LRFN2: variants seen among roughly 807,000 people sequenced by gnomAD.
The protein encoded by LRFN2 is leucine-rich repeat and fibronectin type-III domain-containing protein 2.
LRFN2 carries 18 observed loss-of-function variants against 37.3 expected under a neutral mutation model. That is an observed-to-expected ratio of 0.48 (90% confidence interval 0.33 to 0.72). The LOEUF (loss-of-function observed/expected upper bound fraction) is 0.72, where lower values mean the gene tolerates loss of function less well. Ranked by LOEUF, LRFN2 falls within the 30% of genes least tolerant of loss-of-function variation. The pLI, the probability that LRFN2 is intolerant of heterozygous loss-of-function variation, is 0.02. For synonymous variants in LRFN2, 556 were observed against 466.6 expected (o/e 1.19, Z -2.47); for missense variants, 1,006 against 1,060.7 (o/e 0.95, Z 0.72).
At chr6:40,456,516 C>T (rs557067293) in intron 1 of LRFN2, among the ~76,000 whole-genome samples, 6 of 152,318 alleles carry the variant, frequency 3.9e-5, no homozygotes, top group East Asian at 1.9e-4. Context: ...ATCTTGTGCT[C>T]TTGTGTGTGG....
At chr6:40,457,343 G>T (rs1038165945) in intron 1 of LRFN2, among the ~76,000 whole-genome samples, 3 of 151,854 alleles carry the variant, frequency 2.0e-5, no homozygotes, top group African/African-American at 4.8e-5. Flanking sequence ...AAGGAAGTTT[G>T]GGGGAGAAAA....
intron 1 of LRFN2, among the ~76,000 whole-genome samples, chr6:40,454,470 G>A (rs1764192943): frequency 6.6e-6 from 1 of 152,198 alleles, no homozygotes; most frequent in Non-Finnish European, 1.5e-5. Flanking sequence ...GAGAAGGGCT[G>A]TCTGCAAAGA....
intron 1 of LRFN2, among the ~76,000 whole-genome samples, chr6:40,562,004 A>G (rs1183969658): frequency 6.6e-6 from 1 of 152,222 alleles, no homozygotes; most frequent in African/African-American, 2.4e-5. Flanking sequence ...CAGGTATTCT[A>G]GAAGTATGTG....
At position 40,392,166 on chromosome 6, in the gene LRFN2, C is replaced by T. The variant is rs199949744; in HGVS notation, c.2147G>A (p.Gly716Asp). ...ARSLLPLPLEGKAKRSHSFDM... is the reference protein window; with the variant it reads ...ARSLLPLPLEDKAKRSHSFDM... ...GAAGGAGTGGCTGCGTTTGGCCTTG[C>T]CCTCCAACGGCAAGGGGAGCAGGCT... The change falls in exon 3 of 3, where the codon GGC becomes GAC. Residue 716 changes from glycine to aspartate, a missense_variant. Coordinates refer to ENST00000338305, the MANE Select transcript of LRFN2 (RefSeq NM_020737.3). This position sits in a 1 kb window ranked among gnomAD's most constrained non-coding sequence, Gnocchi z 4.7. 1.1e-5 allele frequency: 18 copies of T among 1,601,148 alleles called. No individual in the cohort carries two copies. Among genetic ancestry groups the T allele is most frequent in the Non-Finnish European group, 1.5e-5 (18 of 1,173,280 alleles).
intron 1 of LRFN2, among the ~76,000 whole-genome samples, chr6:40,453,689 G>A (rs9380957): frequency 0.26 from 39,132 of 151,980 alleles, 6,090 homozygotes; most frequent in Middle Eastern, 0.41. Flanking sequence ...GCGTGATCAG[G>A]ACTGGGTGAT....
At chr6:40,545,454 AACTG>A (rs1288066723) in intron 1 of LRFN2, among the ~76,000 whole-genome samples, 1 of 152,216 alleles carries the variant, frequency 6.6e-6, no homozygotes, top group South Asian at 2.1e-4. Flanking sequence ...ATTGAAAACA[AACTG>A]ACTGAGTGAT....
chr6:40,566,946 C>T, intron 1 of LRFN2, among the ~76,000 whole-genome samples: 1 of 152,114 alleles, frequency 6.6e-6, no homozygotes, highest in Non-Finnish European at 1.5e-5. Context: ...GTATGATGAT[C>T]TTCAAGAGCA....
At chr6:40,470,376 C>T (rs1170244950) in intron 1 of LRFN2, among the ~76,000 whole-genome samples, 8 of 152,176 alleles carry the variant, frequency 5.3e-5, no homozygotes, top group Non-Finnish European at 8.8e-5. Context: ...CTTTGGGAGG[C>T]CAAAGCGAGC....
In LRFN2 at chr6:40,392,514, G is replaced by C; in HGVS notation, c.1799C>G (p.Pro600Arg). 6.3e-7 allele frequency: 1 copy of C among 1,587,422 alleles called. No homozygotes were observed. Among genetic ancestry groups the C allele is most frequent in the Non-Finnish European group, 8.6e-7 (1 of 1,169,158 alleles). ...GAGCTCGTTGCGCACCACCACCTTC[G>C]GCGGGCCCTGCGGCGGGGCCCCGGC... ...APAGAPPQGP[P>R]KVVVRNELLD... is the part of the protein sequence containing the mutation. Residue 600 changes from proline to arginine, a missense_variant, in exon 3 of 3, where the codon CCG becomes CGG. By Grantham distance (103) the Pro-to-Arg change is moderately radical. Coordinates refer to ENST00000338305, the MANE Select transcript of LRFN2 (RefSeq NM_020737.3). The surrounding 1 kb of genome is among the most constrained non-coding windows in gnomAD (Gnocchi z 4.7).
At chr6:40,462,568 CT>C (rs1764370199) in intron 1 of LRFN2, among the ~76,000 whole-genome samples, 1 of 152,216 alleles carries the variant, frequency 6.6e-6, no homozygotes, top group African/African-American at 2.4e-5. Context: ...ATCTGTATCT[CT>C]TATTCAGTCC....
At chr6:40,577,608 G>A (rs59902594) in intron 1 of LRFN2, among the ~76,000 whole-genome samples, 33,083 of 83,868 alleles carry the variant, frequency 0.39, 5,601 homozygotes, top group Middle Eastern at 0.53. Context: ...CACAGTCCCC[G>A]GAGTGTGATA....
chr6:40,425,134 T>C (rs1423338493), intron 2 of LRFN2, among the ~76,000 whole-genome samples: 2 of 152,162 alleles, frequency 1.3e-5, no homozygotes, highest in African/African-American at 2.4e-5. Flanking sequence ...GGACAGGACA[T>C]GTGTCTAACA....
At chr6:40,434,952 A>G (rs1056284535) in intron 1 of LRFN2, among the ~76,000 whole-genome samples, 7 of 140,666 alleles carry the variant, frequency 5.0e-5, no homozygotes, top group African/African-American at 1.6e-4. Context: ...TTAATGTTTA[A>G]GTTTGCATTA....
At chr6:40,502,017 G>T (rs1765395986) in intron 1 of LRFN2, among the ~76,000 whole-genome samples, 1 of 152,166 alleles carries the variant, frequency 6.6e-6, no homozygotes, top group African/African-American at 2.4e-5. Context: ...ATCTGCTGGG[G>T]AGACAGACAG....
At chr6:40,452,761 C>T (rs1351687660) in intron 1 of LRFN2, among the ~76,000 whole-genome samples, 1 of 152,100 alleles carries the variant, frequency 6.6e-6, no homozygotes, top group African/African-American at 2.4e-5. Flanking sequence ...TTATCCTTCT[C>T]CCCCAATACT....
intron 1 of LRFN2, among the ~76,000 whole-genome samples, chr6:40,551,298 G>A (rs144524886): frequency 0.014 from 2,070 of 152,282 alleles, 15 homozygotes; most frequent in Non-Finnish European, 0.019. Context: ...TGTCCTTCAG[G>A]AACTCACATT....
intron 2 of LRFN2, among the ~76,000 whole-genome samples, chr6:40,414,490 C>A (rs192307270): frequency 4.6e-5 from 7 of 152,280 alleles, no homozygotes; most frequent in Non-Finnish European, 1.0e-4. Flanking sequence ...CAGTACGTGG[C>A]ATGGAATAAT....
chr6:40,532,222 T>C (rs1458864732), intron 1 of LRFN2, among the ~76,000 whole-genome samples: 1 of 152,138 alleles, frequency 6.6e-6, no homozygotes, highest in Admixed American at 6.5e-5. Context: ...TGGAGACAGT[T>C]TTAGGCAGGT....
At chr6:40,414,486 G>A (rs988962014) in intron 2 of LRFN2, among the ~76,000 whole-genome samples, 4 of 152,142 alleles carry the variant, frequency 2.6e-5, no homozygotes, top group East Asian at 1.9e-4. Context: ...AGAACAGTAC[G>A]TGGCATGGAA....
Sources: allele counts gnomAD v4.1 joint callset (sites outside exome capture counted in the v4.1 genomes callset), GRCh38; gene constraint gnomAD v4.1.1; non-coding constraint Gnocchi (gnomAD v3.1); transcripts MANE v1.5; gene names NCBI Gene and HGNC (gene_info 2026-07-23, HGNC 2026-07-21).